USH1C: variants seen among roughly 807,000 people sequenced by gnomAD.
USH1C encodes harmonin.
A neutral mutation model predicts 119.3 loss-of-function variants in USH1C; 90 were observed. The observed-to-expected ratio is 0.75, with a 90% CI of 0.64 to 0.90. The LOEUF is 0.90. Among genes scored for constraint, USH1C ranks in the 40% least tolerant of loss-of-function variants. The pLI, the probability that USH1C is intolerant of heterozygous loss-of-function variation, is 0.00. For synonymous variants in USH1C, 465 were observed against 443.3 expected (o/e 1.05, Z -0.62); for missense variants, 1,165 against 1,167.7 (o/e 1.00, Z 0.03).
chr11:17,536,399 G>A (rs1851232693), intron 1 of USH1C, among the ~76,000 whole-genome samples: 1 of 152,186 alleles, frequency 6.6e-6, no homozygotes, highest in Non-Finnish European at 1.5e-5. Flanking sequence ...TGCATTAGGT[G>A]GAAAACTGAG....
intron 23 of USH1C, among the ~76,000 whole-genome samples, chr11:17,498,709 G>A (rs1045042170): frequency 6.6e-6 from 1 of 152,178 alleles, no homozygotes; most frequent in Non-Finnish European, 1.5e-5. Context: ...CTTCTTCTAG[G>A]TCTGAGAGGA....
chr11:17,513,487 C>T (rs1297131519), intron 15 of USH1C, among the ~76,000 whole-genome samples: 4 of 152,172 alleles, frequency 2.6e-5, no homozygotes, highest in African/African-American at 9.7e-5. Context: ...CATTATGGAC[C>T]TCTGAGGGAC....
intron 1 of USH1C, among the ~76,000 whole-genome samples, chr11:17,538,782 CT>C (rs1016536984): frequency 6.6e-6 from 1 of 152,134 alleles, no homozygotes; most frequent in Non-Finnish European, 1.5e-5. Context: ...GAGACAGGAA[CT>C]GAGGCTCCTA....
chr11:17,496,405 A>C (rs1849250589), intron 25 of USH1C, among the ~76,000 whole-genome samples: 1 of 152,238 alleles, frequency 6.6e-6, no homozygotes, highest in East Asian at 1.9e-4. Flanking sequence ...GGATGGACAC[A>C]GACACCTTCT....
Position 17,505,975 on chromosome 11 carries a change from C to T in USH1C, c.2014-26G>A, listed in dbSNP as rs530579322. On this transcript the variant is annotated intron_variant, in intron 18 of 26. Transcript: ENST00000005226. Reference sequence around the variant, plus strand: ...CTAAGGAGTTAGTTTAACAGGGACCCAGGTGAGGTCATGGTGGGGTGGCCA... The same window carrying T: ...CTAAGGAGTTAGTTTAACAGGGACCTAGGTGAGGTCATGGTGGGGTGGCCA... 8.1e-6 allele frequency: 13 copies of T among 1,614,048 alleles called. No individual in the cohort carries two copies. In the East Asian group the frequency reaches 2.7e-4, roughly 33 times the overall value.
At position 17,527,452 on chromosome 11, in the gene USH1C, CT is replaced by C. The variant is rs958332086; in HGVS notation, c.388-122del. ...AAGGGAAGGGTGGCTGTGCCACCCCCTGGAATAAGCCTTGATCTCAACCAAC... is the reference window on the plus strand; with the variant it reads ...AAGGGAAGGGTGGCTGTGCCACCCCCGGAATAAGCCTTGATCTCAACCAAC... On this transcript the variant is annotated intron_variant, in intron 4 of 26. Transcript: ENST00000005226. 60 of 813,412 alleles carry C rather than the reference CT, an allele frequency of 7.4e-5. No homozygotes were observed. In the African/African-American group the frequency reaches 9.4e-4, roughly 13 times the overall value. The allele number at this position is 813,412 out of a possible 1,614,324, so 50.4% of individuals were successfully genotyped here.
chr11:17,531,180 C>G lies in USH1C; in HGVS notation c.361G>C (p.Gly121Arg), dbSNP rs377510653. 1.2e-6 allele frequency: 2 copies of G among 1,614,132 alleles called. No individual in the cohort carries two copies. Among genetic ancestry groups the G allele is most frequent in the East Asian group, 2.2e-5 (1 of 44,878 alleles). ...TGGAGCCCGACGCTGTCTGCCTGACCGCCTTTGATGAGGTGGGAGATGAAG... is the reference window on the plus strand; with the variant it reads ...TGGAGCCCGACGCTGTCTGCCTGACGGCCTTTGATGAGGTGGGAGATGAAG... The part of the protein sequence containing the change: ...GLFISHLIKG[G>R]QADSVGLQVG... The change falls in exon 4 of 27, where the codon GGT (glycine) becomes CGT (arginine). Residue 121 changes from glycine to arginine, a missense_variant. Physicochemically the swap from Gly to Arg is moderately radical, Grantham distance 125. Coordinates refer to ENST00000005226, the MANE Select transcript of USH1C (RefSeq NM_153676.4). This position sits in a 1 kb window ranked among gnomAD's most constrained non-coding sequence, Gnocchi z 4.2.
chr11:17,532,937 T>C (rs964162218), intron 2 of USH1C, among the ~76,000 whole-genome samples: 11 of 152,284 alleles, frequency 7.2e-5, no homozygotes, highest in African/African-American at 2.6e-4. Flanking sequence ...CCAGCTGGCA[T>C]TTCTTGTTCT....
chr11:17,535,128 C>A (rs988944952), intron 1 of USH1C, among the ~76,000 whole-genome samples: 1 of 152,120 alleles, frequency 6.6e-6, no homozygotes, highest in African/African-American at 2.4e-5. Flanking sequence ...GCAGCAGGGG[C>A]GAGAAATATC....
chr11:17,500,989 G>A (rs578251796), intron 23 of USH1C, 62 bp downstream of exon 23: 20 of 1,451,848 alleles, frequency 1.4e-5, no homozygotes, highest in Middle Eastern at 2.0e-4. Flanking sequence ...TTTGCTTTCC[G>A]GGAGGGCCCC....
At chr11:17,497,712 C>T (rs777535068) in intron 24 of USH1C, among the ~76,000 whole-genome samples, 1 of 152,256 alleles carries the variant, frequency 6.6e-6, no homozygotes, top group Non-Finnish European at 1.5e-5. Flanking sequence ...ATGTAGTGCA[C>T]AGCCTGGGCA....
rs1850717244 is a variant in USH1C, at chr11:17,527,055, C to CACAGA, written c.497-16_497-15insTCTGT. 1 of 1,552,808 alleles carries CACAGA rather than the reference C, an allele frequency of 6.4e-7. No individual in the cohort carries two copies. Among genetic ancestry groups the CACAGA allele is most frequent in the Non-Finnish European group, 8.7e-7 (1 of 1,147,712 alleles). On this transcript the variant is annotated splice_polypyrimidine_tract_variant and intron_variant, in intron 5 of 26. Coordinates refer to ENST00000005226, the MANE Select transcript of USH1C (RefSeq NM_153676.4). ...CAGGCCGATGTCTGCGGGAGAAAGG[C>CACAGA]ACAGGGGTTAGGACAGCTCCCCCGC...
Position 17,510,465 on chromosome 11 carries a change from C to T in USH1C, c.1470G>A (p.Val490=). 1 of 1,613,582 alleles carries T rather than the reference C, an allele frequency of 6.2e-7. No individual in the cohort carries two copies. The highest frequency in any genetic ancestry group is 1.8e-4 in the Middle Eastern group (1 of 5,704). ...CGAGGCGCGTTTGACAGAGCCTCTC[C>T]ACCCAATATTGAATCTTTTCCGATT... ...LEESEKIQYW[V]ERLCQTRLEQ... The change falls in exon 17 of 27, where the codon GTG becomes GTA. Residue 490 remains valine (V), a synonymous_variant. Transcript: ENST00000005226.
Position 17,529,633 on chromosome 11 carries a change from T to C in USH1C, c.387+1521A>G, listed in dbSNP as rs528634644. On this transcript the variant is annotated intron_variant, in intron 4 of 26. Transcript: ENST00000005226. ...TTGCCCAGAACCCCAGTCGGAATGA[T>C]TCCCACACAGCCCCTGGCTCAGGTT... Among the ~76,000 whole-genome samples, 5 of 152,344 alleles carry C rather than the reference T, an allele frequency of 3.3e-5. No homozygotes were observed. The East Asian group carries it at 9.7e-4, about 29-fold the overall frequency.
intron 14 of USH1C, among the ~76,000 whole-genome samples, chr11:17,516,877 A>G (rs1850172468): frequency 6.6e-6 from 1 of 152,196 alleles, no homozygotes; most frequent in Non-Finnish European, 1.5e-5. Context: ...ATGTGCCCCC[A>G]GAAAACAGAT....
At chr11:17,537,873 T>C (rs1474400578) in intron 1 of USH1C, among the ~76,000 whole-genome samples, 1 of 152,184 alleles carries the variant, frequency 6.6e-6, no homozygotes, top group African/African-American at 2.4e-5. Flanking sequence ...ATCCCCACTT[T>C]ACAGATGAGG....
At chr11:17,504,546 A>T (rs1849570290) in intron 20 of USH1C, 101 bp downstream of exon 20, 1 of 1,349,582 alleles carries the variant, frequency 7.4e-7, no homozygotes, top group East Asian at 2.3e-5. Context: ...TGGGGCCACC[A>T]TGGACCTGAC....
At chr11:17,523,651 G>A (rs891354337) in intron 9 of USH1C, among the ~76,000 whole-genome samples, 173 bp from the exon 10 acceptor site, 3 of 152,146 alleles carry the variant, frequency 2.0e-5, no homozygotes, top group African/African-American at 4.8e-5. Context: ...CTCTGGGAGG[G>A]CTTAAAGCTG....
intron 14 of USH1C, among the ~76,000 whole-genome samples, chr11:17,519,003 A>G (rs1480171666): frequency 2.0e-5 from 3 of 151,526 alleles, no homozygotes; most frequent in Non-Finnish European, 4.4e-5. Flanking sequence ...CCTGGGCAAC[A>G]AGAGCAAAAC....
Sources: allele counts gnomAD v4.1 joint callset (sites outside exome capture counted in the v4.1 genomes callset), GRCh38; gene constraint gnomAD v4.1.1; non-coding constraint Gnocchi (gnomAD v3.1); transcripts MANE v1.5; gene names NCBI Gene and HGNC (gene_info 2026-07-23, HGNC 2026-07-21).